Variants in CHUK observed in about 807,000 individuals in gnomAD.
The protein encoded by CHUK is component of inhibitor of nuclear factor kappa B kinase complex.
In CHUK, 35 loss-of-function variants were observed where a neutral mutation model predicts 104.8. The ratio of observed to expected loss-of-function variants is 0.33; its 90% confidence interval spans 0.26 to 0.44. The LOEUF (loss-of-function observed/expected upper bound fraction) is 0.44, where lower values mean the gene tolerates loss of function less well. Ranked by LOEUF, CHUK falls within the 20% of genes least tolerant of loss-of-function variation. The pLI, the probability that CHUK is intolerant of heterozygous loss-of-function variation, is 1.00. For missense variants in CHUK, 663 were observed against 902.7 expected (o/e 0.73, Z 3.40); for synonymous variants, 276 against 291.9 (o/e 0.95, Z 0.56).
chr10:100,215,660 TGCTAA>T (rs1426443815), intron 9 of CHUK, among the ~76,000 whole-genome samples: 1 of 152,248 alleles, frequency 6.6e-6, no homozygotes, highest in Admixed American at 6.5e-5. Flanking sequence ...CAATCAGACT[TGCTAA>T]GCTATTTTTT....
At chr10:100,200,879 A>T in intron 14 of CHUK, 99 bp from the exon 15 acceptor site, 1 of 738,654 alleles carries the variant, frequency 1.4e-6, no homozygotes, top group Non-Finnish European at 2.5e-6. Flanking sequence ...TTGCTGCTTC[A>T]TTAGAGAACT....
At position 100,194,540 on chromosome 10, in the gene CHUK, A is replaced by G. The variant is rs772430954; in HGVS notation, c.1730-19T>C. Reference sequence around the variant, plus strand: ...GAGTGATCTATAAAAGACATCAGTCAGTGGATATAACCTTTCTTCTGTAAC... The same window carrying G: ...GAGTGATCTATAAAAGACATCAGTCGGTGGATATAACCTTTCTTCTGTAAC... On this transcript the variant is annotated intron_variant, in intron 16 of 20. Transcript: ENST00000370397. The G allele has an allele frequency of 1.3e-6, 2 of 1,518,714 alleles. No homozygotes were observed. The highest frequency in any genetic ancestry group is 2.3e-5 in the South Asian group (2 of 88,578). 94.1% of individuals were successfully genotyped at this position (1,518,714 alleles called of 1,614,324 possible).
At chr10:100,222,698 A>T (rs1328331954) in intron 3 of CHUK, among the ~76,000 whole-genome samples, 168 bp downstream of exon 3, 1 of 152,226 alleles carries the variant, frequency 6.6e-6, no homozygotes, top group Non-Finnish European at 1.5e-5. Flanking sequence ...AGCCATAGAC[A>T]ATGTGTAAAG....
chr10:100,220,555 T>C lies in CHUK; in HGVS notation c.474+33A>G, dbSNP rs17883251. 6.3e-4 allele frequency: 855 copies of C among 1,364,900 alleles called. 7 individuals are homozygous for C. The African/African-American group carries it at 0.011, about 17-fold the overall frequency. 84.5% of individuals were successfully genotyped at this position (1,364,900 alleles called of 1,614,324 possible). On this transcript the variant is annotated intron_variant, in intron 5 of 20. Transcript: ENST00000370397. The stretch of plus-strand genomic sequence containing the variant: ...ACTATATCAGAGAGACTATATTCAA[T>C]AGGCATGAAACATTACTTCAGGTTT...
chr10:100,200,735 C>T lies in CHUK; in HGVS notation c.1615G>A (p.Ala539Thr), dbSNP rs1378356424. The change falls in exon 15 of 21, where the codon GCT (alanine) becomes ACT (threonine). Residue 539 changes from alanine to threonine, a missense_variant. Physicochemically the swap from Ala to Thr is moderately conservative, Grantham distance 58. Coordinates refer to ENST00000370397, the MANE Select transcript of CHUK (RefSeq NM_001278.5). ...CTCTTCTGTAGCTCCATGATTTCAG[C>T]ATGCAAAGACATAATCTGATCCTCC... ...YLEDQIMSLHAEIMELQKSPY... is the reference protein window; with the variant it reads ...YLEDQIMSLHTEIMELQKSPY... 1 of 1,608,532 alleles carries T rather than the reference C, an allele frequency of 6.2e-7. No individual in the cohort carries two copies. The highest frequency in any genetic ancestry group is 8.5e-7 in the Non-Finnish European group (1 of 1,175,398).
Position 100,194,472 on chromosome 10 carries a change from A to G in CHUK, c.1779T>C (p.Thr593=), listed in dbSNP as rs756934186. The G allele has an allele frequency of 6.2e-7, 1 of 1,613,608 alleles. No homozygotes were observed. Among genetic ancestry groups the G allele is most frequent in the Admixed American group, 1.7e-5 (1 of 59,972 alleles). Residue 593 remains threonine (T), a synonymous_variant, in exon 17 of 21, where the codon ACT becomes ACC. Transcript: ENST00000370397. ...STEMVKIIVH[T]VQSQDRVLKE... ...TGAGCACACGGTCCTGACTCTGCAC[A>G]GTGTGCACAATGATTTTCACCATCT...
At chr10:100,197,948 G>C (rs1352525292) in intron 16 of CHUK, among the ~76,000 whole-genome samples, 2 of 152,212 alleles carry the variant, frequency 1.3e-5, no homozygotes, top group African/African-American at 4.8e-5. Flanking sequence ...AAACCTTTCT[G>C]ATATCACCAC....
chr10:100,228,993 G>GCACACA (rs59218517), intron 1 of CHUK, among the ~76,000 whole-genome samples: 5,796 of 133,464 alleles, frequency 0.043, 164 homozygotes, highest in Admixed American at 0.085. Context: ...GCGCGCGCGC[G>GCACACA]CACACACACA....
In CHUK at chr10:100,226,000, T is replaced by C. The variant is rs769017912; in HGVS notation, c.123A>G (p.Ile41Met). ...GCTCTAGGCGACAAGACTTAATTGC[T>C]ATTTTGAGATCAAGTTCCTGCCAAA... ...LYQHRELDLKIAIKSCRLELS... is the reference protein window; with the variant it reads ...LYQHRELDLKMAIKSCRLELS... The change falls in exon 2 of 21, where the codon ATA becomes ATG. Residue 41 changes from isoleucine to methionine, a missense_variant. Transcript: ENST00000370397. The C allele has an allele frequency of 6.2e-7, 1 of 1,601,846 alleles. No individual in the cohort carries two copies. Among genetic ancestry groups the C allele is most frequent in the Non-Finnish European group, 8.6e-7 (1 of 1,168,946 alleles).
At chr10:100,189,797 A>G (rs1845151665) in intron 20 of CHUK, among the ~76,000 whole-genome samples, 170 bp from the exon 21 acceptor site, 1 of 151,676 alleles carries the variant, frequency 6.6e-6, no homozygotes, top group Non-Finnish European at 1.5e-5. Context: ...TTTTTCATAA[A>G]TATTTGAAGT....
rs745923138 is a variant in CHUK, at chr10:100,209,660, G to T, written c.1063C>A (p.Leu355Ile). ...TGINTGSQEL[L>I]SETGISLDPR... is the part of the protein sequence containing the mutation. ...TCCAGAGAAATTCCTGTCTCTGAAA[G>T]AAGTTCTTGAGAACCAGTATTTATT... is the stretch of plus-strand genomic sequence containing the variant. The change falls in exon 10 of 21, where the codon CTT becomes ATT. Residue 355 changes from leucine (L) to isoleucine (I), a missense_variant. Leu to Ile is a conservative substitution (Grantham distance 5). Around this residue, in one of 5 missense-constraint regions of CHUK, gnomAD observed 93 missense variants for 95.9 expected, o/e 0.97. Coordinates refer to ENST00000370397, the MANE Select transcript of CHUK (RefSeq NM_001278.5). The T allele has an allele frequency of 6.8e-6, 11 of 1,610,118 alleles. No homozygotes were observed. Among genetic ancestry groups the T allele is most frequent in the Non-Finnish European group, 8.5e-6 (10 of 1,176,514 alleles).
At chr10:100,220,827 T>C in intron 4 of CHUK, 151 bp from the exon 5 acceptor site, 1 of 621,960 alleles carries the variant, frequency 1.6e-6, no homozygotes, top group Non-Finnish European at 2.8e-6. Flanking sequence ...CCAGGTTTTC[T>C]TCACAGAAAA....
chr10:100,209,542 G>C (rs746934606), intron 10 of CHUK, 53 bp downstream of exon 10: 1 of 1,132,920 alleles, frequency 8.8e-7, no homozygotes. Flanking sequence ...TGCAGGGCAC[G>C]CAATCCCTCT....
chr10:100,222,339 TG>T lies in CHUK; in HGVS notation c.316-159del, dbSNP rs1846009835. On this transcript the variant is annotated intron_variant, in intron 3 of 20. Transcript: ENST00000370397. ...AATTACCAAATCCATACTGAGGGCA[TG>T]TAAATTTCATGATAAGGCTCATAAA... Among the ~76,000 whole-genome samples the T allele has an allele frequency of 4.6e-5, 7 of 152,252 alleles. No homozygotes were observed. The South Asian group carries it at 1.5e-3, about 32-fold the overall frequency.
chr10:100,218,704 TA>T lies in CHUK; in HGVS notation c.797+13del. ...AGAAACTGAGGCAAACTTCCTTAAC[TA>T]AAATATACTTACCTACAAAGGCTAT... On this transcript the variant is annotated intron_variant, in intron 8 of 20. Transcript: ENST00000370397. The T allele has an allele frequency of 6.4e-7, 1 of 1,565,112 alleles. No homozygotes were observed. Among genetic ancestry groups the T allele is most frequent in the Non-Finnish European group, 8.8e-7 (1 of 1,135,410 alleles).
chr10:100,228,993 G>GCGCACACACACACACACACA lies in CHUK; in HGVS notation c.105+434_105+435insTGTGTGTGTGTGTGTGTGCG, dbSNP rs764914118. Among the ~76,000 whole-genome samples, 6 of 133,556 alleles carry GCGCACACACACACACACACA rather than the reference G, an allele frequency of 4.5e-5. No homozygotes were observed. In the East Asian group the frequency reaches 6.9e-4, roughly 15 times the overall value. The allele number at this position is 133,556 out of a possible 152,430, so 87.6% of individuals were successfully genotyped here. ...GGCCTCCAAGCGCGCGCGCGCGCGC[G>GCGCACACACACACACACACA]CACACACACACACACACACACACAC... On this transcript the variant is annotated intron_variant, in intron 1 of 20. Coordinates refer to ENST00000370397, the MANE Select transcript of CHUK (RefSeq NM_001278.5).
downstream of CHUK, chr10:100,187,048 C>CA (rs142152359): frequency 6.6e-4 from 101 of 152,390 alleles, 1 homozygote; most frequent in African/African-American, 2.3e-3. Flanking sequence ...TGACAGCAGG[C>CA]AGAGCTCAAG....
chr10:100,217,067 T>A (rs1484432751), intron 9 of CHUK, among the ~76,000 whole-genome samples: 2 of 139,604 alleles, frequency 1.4e-5, no homozygotes, highest in African/African-American at 6.5e-5. Context: ...TACACAGAAA[T>A]GGATATCCAG....
At chr10:100,187,804 A>C (rs1845091955), downstream of CHUK, 1 of 152,332 alleles carries the variant, frequency 6.6e-6, no homozygotes, top group Non-Finnish European at 1.5e-5. Context: ...AATTATTAAA[A>C]TATTAGAAAA....
Sources: gnomAD v4.1 joint callset for allele counts (sites outside exome capture counted in the v4.1 genomes callset) on GRCh38, gnomAD v4.1.1 for gene constraint, gnomAD v4.1.1 regional missense constraint, MANE v1.5 for transcripts, NCBI Gene and HGNC (gene_info 2026-07-23, HGNC 2026-07-21) for gene names.